PDIA5: variants seen among roughly 807,000 people sequenced by gnomAD.
The protein encoded by PDIA5 is protein disulfide isomerase family A member 5.
A neutral mutation model predicts 77.6 loss-of-function variants in PDIA5; 58 were observed. The ratio of observed to expected loss-of-function variants is 0.75; its 90% confidence interval spans 0.61 to 0.93. The LOEUF is 0.93. PDIA5 is among the 40% of genes least tolerant of loss of function. The pLI is 0.00. For synonymous variants in PDIA5, 250 were observed against 252.1 expected (o/e 0.99, Z 0.08); for missense variants, 630 against 647.7 (o/e 0.97, Z 0.30).
Position 123,102,459 on chromosome 3 carries a change from C to G in PDIA5, c.306C>G (p.Ser102Arg). 1 of 1,613,910 alleles carries G rather than the reference C, an allele frequency of 6.2e-7. No homozygotes were observed. The highest frequency in any genetic ancestry group is 1.1e-5 in the South Asian group (1 of 91,066). The change falls in exon 4 of 17, where the codon AGC (serine) becomes AGG (arginine). Residue 102 changes from serine to arginine, a missense_variant. By Grantham distance (110) the Ser-to-Arg change is moderately radical. Coordinates refer to ENST00000316218, the MANE Select transcript of PDIA5 (RefSeq NM_006810.4). Reference sequence around the variant, plus strand: ...GCAAGAAGATGAAAGTTGACCTGAGCCCGAAGGACAAAAAGGTTGAATTAT... The same window carrying G: ...GCAAGAAGATGAAAGTTGACCTGAGGCCGAAGGACAAAAAGGTTGAATTAT... ...KLCKKMKVDLSPKDKKVELFH... is the reference protein window; with the variant it reads ...KLCKKMKVDLRPKDKKVELFH...
At chr3:123,110,867 C>A in intron 6 of PDIA5, 77 bp from the exon 7 acceptor site, 1 of 1,166,268 alleles carries the variant, frequency 8.6e-7, no homozygotes, top group Non-Finnish European at 1.3e-6. Context: ...CTGCTGTATG[C>A]AGGAGGGGCG....
rs775704005 is a variant in PDIA5, at chr3:123,130,570, G to A, written c.864G>A (p.Gln288=). ...ACCTGACCGATGAAGACTTTGACCA[G>A]TTTGTGAAGGAACACTCCTCTGTCC... The part of the protein sequence containing the change: ...VYHLTDEDFD[Q]FVKEHSSVLV... The change falls in exon 11 of 17, where the codon CAG becomes CAA. Residue 288 remains glutamine, a synonymous_variant. Transcript: ENST00000316218. 1.2e-6 allele frequency: 2 copies of A among 1,614,170 alleles called. No individual in the cohort carries two copies. Among genetic ancestry groups the A allele is most frequent in the South Asian group, 1.1e-5 (1 of 91,086 alleles).
chr3:123,099,452 T>TCC (rs1190233788), intron 3 of PDIA5, among the ~76,000 whole-genome samples: 1 of 152,066 alleles, frequency 6.6e-6, no homozygotes, highest in African/African-American at 2.4e-5. Context: ...GGAAGCCTCC[T>TCC]CCCCACTCAC....
intron 11 of PDIA5, among the ~76,000 whole-genome samples, chr3:123,130,857 A>T (rs1348408956): frequency 6.6e-6 from 1 of 152,090 alleles, no homozygotes; most frequent in African/African-American, 2.4e-5. Context: ...CCTTAGCTAG[A>T]GCTCAGTGAG....
chr3:123,135,022 GT>G (rs1031773545), intron 11 of PDIA5, among the ~76,000 whole-genome samples: 2 of 152,218 alleles, frequency 1.3e-5, no homozygotes, highest in African/African-American at 2.4e-5. Context: ...CCCAGGCCCG[GT>G]TTTCCCACCC....
At chr3:123,073,924 A>G (rs947806096) in intron 1 of PDIA5, among the ~76,000 whole-genome samples, 4 of 152,354 alleles carry the variant, frequency 2.6e-5, no homozygotes, top group South Asian at 4.1e-4. Context: ...GCTTAAACAT[A>G]AAGGTGATCC....
At chr3:123,136,803 C>A (rs1935515845) in intron 11 of PDIA5, among the ~76,000 whole-genome samples, 1 of 150,190 alleles carries the variant, frequency 6.7e-6, no homozygotes, top group African/African-American at 2.4e-5. Flanking sequence ...TACTTCCTAT[C>A]CATTCTTCTG....
At chr3:123,078,848 T>TA (rs1163819391) in intron 1 of PDIA5, among the ~76,000 whole-genome samples, 1 of 152,220 alleles carries the variant, frequency 6.6e-6, no homozygotes, top group Non-Finnish European at 1.5e-5. Flanking sequence ...TAGTGCATTA[T>TA]ATCAGGGGGC....
At chr3:123,076,808 A>G (rs1363761546) in intron 1 of PDIA5, among the ~76,000 whole-genome samples, 2 of 152,152 alleles carry the variant, frequency 1.3e-5, no homozygotes, top group Non-Finnish European at 2.9e-5. Flanking sequence ...GGTGATCCAG[A>G]CCCCTCTTGG....
intron 3 of PDIA5, among the ~76,000 whole-genome samples, chr3:123,096,736 A>C (rs1576440743): frequency 6.7e-6 from 1 of 149,990 alleles, no homozygotes; most frequent in Non-Finnish European, 1.5e-5. Flanking sequence ...CCCTCACTCC[A>C]CTCTTGGCTC....
intron 1 of PDIA5, among the ~76,000 whole-genome samples, chr3:123,073,365 C>T (rs1933776252): frequency 6.6e-6 from 1 of 152,142 alleles, no homozygotes; most frequent in Admixed American, 6.5e-5. Flanking sequence ...CAGTGCCTGG[C>T]TTGAATGTGT....
intron 11 of PDIA5, among the ~76,000 whole-genome samples, chr3:123,136,917 A>G (rs1255481083): frequency 6.6e-6 from 1 of 152,212 alleles, no homozygotes; most frequent in Non-Finnish European, 1.5e-5. Context: ...ATTGAATAGT[A>G]TTTTATAATT....
intron 1 of PDIA5, among the ~76,000 whole-genome samples, chr3:123,079,980 TGC>T (rs1489655829): frequency 1.3e-5 from 2 of 152,234 alleles, no homozygotes; most frequent in Non-Finnish European, 2.9e-5. Context: ...CTTTTCAAGC[TGC>T]AACAGTCTGA....
At chr3:123,119,888 G>T (rs1935069137) in intron 8 of PDIA5, among the ~76,000 whole-genome samples, 1 of 143,924 alleles carries the variant, frequency 6.9e-6, no homozygotes, top group South Asian at 2.1e-4. Flanking sequence ...TTTTTGGGAG[G>T]TGTTCAACCT....
intron 11 of PDIA5, among the ~76,000 whole-genome samples, chr3:123,134,478 G>A (rs76214437): frequency 0.019 from 2,953 of 152,166 alleles, 88 homozygotes; most frequent in African/African-American, 0.067. Context: ...AAAGGCACAC[G>A]GCACCCCTCC....
At chr3:123,081,366 C>T (rs1172590635) in intron 1 of PDIA5, among the ~76,000 whole-genome samples, 5 of 152,172 alleles carry the variant, frequency 3.3e-5, no homozygotes, top group African/African-American at 9.7e-5. Flanking sequence ...ACTCCAAGTA[C>T]GGTGTTCTTT....
In PDIA5 at chr3:123,110,929, CTT is replaced by C. The variant is rs769509246; in HGVS notation, c.481-11_481-10del. 3.1e-6 allele frequency: 5 copies of C among 1,611,414 alleles called. No homozygotes were observed. The Admixed American group carries it at 6.7e-5, about 21-fold the overall frequency. ...GTTGTGTGCGAGCTGCTGGTATTCT[CTT>C]TTTGTGCCTCAGGACTTCAGACGGC... On this transcript the variant is annotated splice_polypyrimidine_tract_variant and intron_variant, in intron 6 of 16. Transcript: ENST00000316218.
intron 9 of PDIA5, 45 bp downstream of exon 9, chr3:123,124,202 G>T: frequency 6.3e-7 from 1 of 1,576,616 alleles, no homozygotes; most frequent in South Asian, 1.1e-5. Context: ...CCTCCCTGGT[G>T]ATTGACCATA....
chr3:123,153,136 A>G (rs1935951377), intron 14 of PDIA5, among the ~76,000 whole-genome samples: 1 of 152,328 alleles, frequency 6.6e-6, no homozygotes, highest in East Asian at 1.9e-4. Flanking sequence ...ACAGAAAGCC[A>G]TTAATCTGAG....
Sources: allele counts gnomAD v4.1 joint callset (sites outside exome capture counted in the v4.1 genomes callset), GRCh38; gene constraint gnomAD v4.1.1; transcripts MANE v1.5; gene names NCBI Gene and HGNC (gene_info 2026-07-23, HGNC 2026-07-21).